LTBP2: variants seen among roughly 807,000 people sequenced by gnomAD.
LTBP2 encodes the protein latent transforming growth factor beta binding protein 2, also known as latent-transforming growth factor beta-binding protein 2.
In LTBP2, 103 loss-of-function variants were observed where a neutral mutation model predicts 210.6. That is an observed-to-expected ratio of 0.49 (90% CI 0.42 to 0.58). LTBP2 has a LOEUF of 0.58. Ranked by LOEUF, LTBP2 falls within the 20% of genes least tolerant of loss-of-function variation. The probability of loss-of-function intolerance (pLI) is 0.00; values close to 1 mark genes in which losing one functional copy is unlikely to be tolerated. For synonymous variants in LTBP2, 1,007 were observed against 1,015.0 expected (o/e 0.99, Z 0.15); for missense variants, 2,313 against 2,494.5 (o/e 0.93, Z 1.55).
chr14:74,506,083 G>T lies in LTBP2; in HGVS notation c.4142C>A (p.Ala1381Asp). 6.2e-7 allele frequency: 1 copy of T among 1,614,202 alleles called. No individual in the cohort carries two copies. Among genetic ancestry groups the T allele is most frequent in the Non-Finnish European group, 8.5e-7 (1 of 1,180,042 alleles). The change falls in exon 28 of 36, where the codon GCC becomes GAC. Residue 1381 changes from alanine (A) to aspartate (D), a missense_variant. By Grantham distance (126) the Ala-to-Asp change is moderately radical. Transcript: ENST00000261978. ...CCGTGGGCGGCAGTGCCCCTCCTGG[G>T]CATCGTACTCCTCCAGGTCACTGGC... Reference protein sequence around the residue: ...LCASDLEEYDAQEGHCRPRGA... With the variant: ...LCASDLEEYDDQEGHCRPRGA...
At chr14:74,501,858 G>A (rs2086914937) in intron 34 of LTBP2, 4 of 533,742 alleles carry the variant, frequency 7.5e-6, no homozygotes, top group African/African-American at 5.7e-5. Context: ...CTTCCACAAT[G>A]CCCGGCTCCT....
At chr14:74,596,226 AAAATAAATAAAT>A (rs529095086) in intron 2 of LTBP2, among the ~76,000 whole-genome samples, 16 of 122,042 alleles carry the variant, frequency 1.3e-4, no homozygotes, top group East Asian at 9.4e-4. Context: ...TGCTGTTTCA[AAAATAAATAAAT>A]AAATAAATAA....
At chr14:74,514,843 G>A (rs1285991426) in intron 18 of LTBP2, among the ~76,000 whole-genome samples, 1 of 152,206 alleles carries the variant, frequency 6.6e-6, no homozygotes, top group Non-Finnish European at 1.5e-5. Context: ...AGGGTGATGG[G>A]CCGGGCTTGT....
chr14:74,604,461 C>T (rs2088495994), intron 1 of LTBP2, among the ~76,000 whole-genome samples: 1 of 151,598 alleles, frequency 6.6e-6, no homozygotes, highest in Admixed American at 6.6e-5. Flanking sequence ...GTTAAGCTGC[C>T]TCTGCACAAT....
At chr14:74,600,541 A>G (rs538427798) in intron 2 of LTBP2, among the ~76,000 whole-genome samples, 2 of 152,258 alleles carry the variant, frequency 1.3e-5, no homozygotes, top group South Asian at 2.1e-4. Flanking sequence ...TTGGCAGAGA[A>G]TAACACTGGA....
At chr14:74,608,984 A>G (rs1481600138) in intron 1 of LTBP2, among the ~76,000 whole-genome samples, 1 of 152,198 alleles carries the variant, frequency 6.6e-6, no homozygotes. Context: ...GGGCCTGGGT[A>G]TAGAAGTTCT....
At chr14:74,509,706 C>T in intron 21 of LTBP2, 28 bp downstream of exon 21, 1 of 1,613,870 alleles carries the variant, frequency 6.2e-7, no homozygotes, top group African/African-American at 1.3e-5. Flanking sequence ...TATTCTGTCC[C>T]CTTCCACCAC....
At chr14:74,571,817 G>A (rs1566644408) in intron 3 of LTBP2, among the ~76,000 whole-genome samples, 1 of 152,226 alleles carries the variant, frequency 6.6e-6, no homozygotes, top group Non-Finnish European at 1.5e-5. Flanking sequence ...CAGCGTAGGC[G>A]ACATCTGGAA....
intron 1 of LTBP2, among the ~76,000 whole-genome samples, chr14:74,604,245 C>T (rs964704083): frequency 2.7e-5 from 4 of 150,332 alleles, no homozygotes; most frequent in African/African-American, 9.9e-5. Context: ...CCAAGGGAGG[C>T]TGGAAGACAC....
At chr14:74,577,749 C>A (rs931828984) in intron 3 of LTBP2, among the ~76,000 whole-genome samples, 1 of 149,938 alleles carries the variant, frequency 6.7e-6, no homozygotes, top group Non-Finnish European at 1.5e-5. Flanking sequence ...TCCAGTGATC[C>A]GCCTGTCTCA....
rs541332171 is a variant in LTBP2 at position 74,510,658 on chromosome 14, C to T, written c.3029-445G>A. ...CAGCGTGGAGAGAGGCCAGTCATGC[C>T]GAGGTGGCTGAGTGGCAGCCCTGAG... On this transcript the variant is annotated intron_variant, in intron 19 of 35. Transcript: ENST00000261978. Among the ~76,000 whole-genome samples the T allele has an allele frequency of 6.6e-5, 10 of 152,356 alleles. No homozygotes were observed. The East Asian group carries it at 1.5e-3, about 24-fold the overall frequency.
intron 34 of LTBP2, among the ~76,000 whole-genome samples, chr14:74,502,135 T>G (rs1047177275): frequency 2.0e-5 from 3 of 152,148 alleles, no homozygotes; most frequent in Non-Finnish European, 4.4e-5. Context: ...TAGCTTTGCC[T>G]GTGGTGGGTA....
chr14:74,602,604 C>T (rs951132918), intron 2 of LTBP2, among the ~76,000 whole-genome samples: 22 of 152,204 alleles, frequency 1.4e-4, no homozygotes, highest in African/African-American at 5.1e-4. Context: ...CTCATCCACC[C>T]GCCACAGAGG....
chr14:74,555,007 G>A (rs953511162), intron 4 of LTBP2, among the ~76,000 whole-genome samples: 3 of 152,006 alleles, frequency 2.0e-5, no homozygotes, highest in African/African-American at 4.8e-5. Context: ...TAGCTGCTCT[G>A]AGAAATGGAG....
At chr14:74,576,650 C>A (rs1372714202) in intron 3 of LTBP2, among the ~76,000 whole-genome samples, 2 of 151,100 alleles carry the variant, frequency 1.3e-5, no homozygotes, top group Non-Finnish European at 2.9e-5. Flanking sequence ...TCTTGGGGTA[C>A]CTGTCACAGA....
intron 12 of LTBP2, 35 bp from the exon 13 acceptor site, chr14:74,527,401 G>A (rs1193829667): frequency 6.2e-7 from 1 of 1,601,062 alleles, no homozygotes. Flanking sequence ...AGCTCAGGGA[G>A]GAGGGTCTGG....
At chr14:74,610,445 G>A (rs550175456) in intron 1 of LTBP2, among the ~76,000 whole-genome samples, 134 of 152,344 alleles carry the variant, frequency 8.8e-4, no homozygotes, top group African/African-American at 3.2e-3. Context: ...CGGGGTACAA[G>A]TGTCTTTCAT....
At position 74,582,397 on chromosome 14, in the gene LTBP2, T is replaced by TAC. The variant is rs58985238; in HGVS notation, c.830+3455_830+3456dup. Among the ~76,000 whole-genome samples the TAC allele has an allele frequency of 6.8e-3, 953 of 140,806 alleles. 20 individuals carry two copies. In the East Asian group the frequency reaches 0.071, roughly 10 times the overall value. 92.4% of individuals were successfully genotyped at this position (140,806 alleles called of 152,430 possible). Reference sequence around the variant, plus strand: ...GTGTACATGCACACACACACATACATACACACACACACACACACACACACA... The same window carrying TAC: ...GTGTACATGCACACACACACATACATACACACACACACACACACACACACACA... On this transcript the variant is annotated intron_variant, in intron 3 of 35. Coordinates refer to ENST00000261978, the MANE Select transcript of LTBP2 (RefSeq NM_000428.3).
Position 74,504,005 on chromosome 14 carries a change from C to T in LTBP2, c.4503G>A (p.Arg1501=). The T allele has an allele frequency of 1.2e-6, 2 of 1,614,086 alleles. No individual in the cohort carries two copies. Among genetic ancestry groups the T allele is most frequent in the South Asian group, 2.2e-5 (2 of 91,072 alleles). The change falls in exon 31 of 36, where the codon CGG becomes CGA. Residue 1501 remains arginine, a synonymous_variant. Transcript: ENST00000261978. ...IFGPGLCPNG[R]CLNTVPGYVC... is the part of the protein sequence containing the mutation. ...CATAACCAGGCACGGTGTTGAGGCA[C>T]CGGCCGTTCGGGCAGAGACCAGGCC...
Sources: gnomAD v4.1 joint callset for allele counts (sites outside exome capture counted in the v4.1 genomes callset) on GRCh38, gnomAD v4.1.1 for gene constraint, MANE v1.5 for transcripts, NCBI Gene and HGNC (gene_info 2026-07-23, HGNC 2026-07-21) for gene names.